Variants in ROBO1 observed in about 807,000 individuals in gnomAD.
ROBO1 encodes roundabout guidance receptor 1.
Under a neutral mutation model 195.9 loss-of-function variants are expected in ROBO1, and 149 were observed. The observed-to-expected ratio is 0.76, with a 90% CI of 0.67 to 0.87. ROBO1 has a LOEUF of 0.87. ROBO1 is among the 40% of genes least tolerant of loss of function. ROBO1 has a pLI of 0.00. For missense variants in ROBO1, 1,933 were observed against 2,068.3 expected (o/e 0.93, Z 1.27); for synonymous variants, 816 against 733.2 (o/e 1.11, Z -1.82).
intron 2 of ROBO1, among the ~76,000 whole-genome samples, chr3:79,413,530 T>C (rs948377199): frequency 1.3e-5 from 2 of 152,140 alleles, no homozygotes; most frequent in African/African-American, 4.8e-5. Flanking sequence ...AGTTGAATGT[T>C]ACCATATGGG....
At chr3:78,980,399 G>A (rs1377933046) in intron 3 of ROBO1, among the ~76,000 whole-genome samples, 2 of 152,102 alleles carry the variant, frequency 1.3e-5, no homozygotes, top group African/African-American at 4.8e-5. Context: ...AAAACTTCAA[G>A]AGGAATCAAC....
intron 2 of ROBO1, among the ~76,000 whole-genome samples, chr3:79,361,418 G>A (rs982489791): frequency 1.3e-5 from 2 of 151,906 alleles, no homozygotes; most frequent in African/African-American, 2.4e-5. Flanking sequence ...TATTGTCACT[G>A]AAAAGAAGTG....
chr3:78,641,656 A>C (rs534625253), intron 21 of ROBO1, among the ~76,000 whole-genome samples: 3 of 152,328 alleles, frequency 2.0e-5, no homozygotes, highest in African/African-American at 7.2e-5. Flanking sequence ...AAGTTATTAA[A>C]AATAAAACTC....
intron 2 of ROBO1, among the ~76,000 whole-genome samples, chr3:79,493,319 A>G (rs1939563785): frequency 6.6e-6 from 1 of 151,978 alleles, no homozygotes; most frequent in African/African-American, 2.4e-5. Flanking sequence ...TTATTAACAT[A>G]TGTTAGAATT....
chr3:79,069,367 C>T (rs913606781), intron 3 of ROBO1, among the ~76,000 whole-genome samples: 1 of 151,794 alleles, frequency 6.6e-6, no homozygotes, highest in African/African-American at 2.4e-5. Flanking sequence ...CTTGGATTAA[C>T]CTGATCCCAT....
chr3:79,256,164 C>T (rs2082829830), intron 2 of ROBO1, among the ~76,000 whole-genome samples: 1 of 152,128 alleles, frequency 6.6e-6, no homozygotes, highest in Non-Finnish European at 1.5e-5. Context: ...AGGGATTCTT[C>T]CATCCACCCA....
chr3:78,681,099 C>G (rs1036259090), intron 10 of ROBO1, among the ~76,000 whole-genome samples: 25 of 151,702 alleles, frequency 1.6e-4, no homozygotes, highest in African/African-American at 6.0e-4. Context: ...AACCAAACAC[C>G]GCATGTTCTC....
chr3:79,452,630 A>C (rs910041976), intron 2 of ROBO1, among the ~76,000 whole-genome samples: 1 of 152,160 alleles, frequency 6.6e-6, no homozygotes, highest in African/African-American at 2.4e-5. Flanking sequence ...AATTACCTAA[A>C]TTAAAAACAA....
intron 10 of ROBO1, among the ~76,000 whole-genome samples, chr3:78,683,343 T>C (rs2080975805): frequency 6.6e-6 from 1 of 152,106 alleles, no homozygotes; most frequent in South Asian, 2.1e-4. Context: ...ACAATTTAAA[T>C]AAAATCAAAA....
chr3:79,362,549 T>C (rs2035811232), intron 2 of ROBO1, among the ~76,000 whole-genome samples: 1 of 152,156 alleles, frequency 6.6e-6, no homozygotes, highest in African/African-American at 2.4e-5. Context: ...TGTCTTTCCT[T>C]GAAGGAAATG....
At chr3:79,241,948 C>CTTTT (rs11383398) in intron 2 of ROBO1, among the ~76,000 whole-genome samples, 1 of 145,714 alleles carries the variant, frequency 6.9e-6, no homozygotes. Flanking sequence ...TTAATTTAAG[C>CTTTT]TTTTTTTTTT....
chr3:79,686,299 G>C (rs1226016850), intron 1 of ROBO1, among the ~76,000 whole-genome samples: 1 of 152,136 alleles, frequency 6.6e-6, no homozygotes, highest in Non-Finnish European at 1.5e-5. Context: ...CATTCCCTTT[G>C]AAAACTGGCA....
chr3:78,694,716 C>G (rs2081248052), intron 8 of ROBO1, among the ~76,000 whole-genome samples: 1 of 152,020 alleles, frequency 6.6e-6, no homozygotes, highest in Non-Finnish European at 1.5e-5. Context: ...ACAGATGATG[C>G]CTTTTAAATG....
chr3:78,755,831 A>G (rs573679397), intron 4 of ROBO1, among the ~76,000 whole-genome samples: 2 of 152,320 alleles, frequency 1.3e-5, no homozygotes, highest in South Asian at 2.1e-4. Flanking sequence ...ATTTGAGAGT[A>G]TAGAGTCTGA....
At chr3:78,872,285 TG>T (rs1051593921) in intron 4 of ROBO1, among the ~76,000 whole-genome samples, 12 of 152,262 alleles carry the variant, frequency 7.9e-5, no homozygotes, top group African/African-American at 2.9e-4. Flanking sequence ...GGGCCACTCC[TG>T]GGGGAACACA....
At chr3:79,165,958 G>A (rs1280051521) in intron 2 of ROBO1, among the ~76,000 whole-genome samples, 1 of 152,168 alleles carries the variant, frequency 6.6e-6, no homozygotes, top group African/African-American at 2.4e-5. Flanking sequence ...TTCCCTGATG[G>A]AAGAATAAAT....
At chr3:79,269,278 G>C (rs540281920) in intron 2 of ROBO1, among the ~76,000 whole-genome samples, 11 of 151,734 alleles carry the variant, frequency 7.2e-5, no homozygotes, top group Non-Finnish European at 1.2e-4. Context: ...CAGGATCAGC[G>C]CCATATTCAT....
chr3:79,488,443 A>AGAT (rs796532353), intron 2 of ROBO1, among the ~76,000 whole-genome samples: 19 of 152,308 alleles, frequency 1.2e-4, no homozygotes, highest in African/African-American at 4.6e-4. Flanking sequence ...GTGCATATGA[A>AGAT]GATAGAGACT....
At chr3:79,735,963 A>G (rs1262545180) in intron 1 of ROBO1, among the ~76,000 whole-genome samples, 8 of 152,136 alleles carry the variant, frequency 5.3e-5, no homozygotes, top group Admixed American at 5.2e-4. Context: ...TTATTTATTG[A>G]GCACATAACT....
Sources: allele counts gnomAD v4.1 joint callset (sites outside exome capture counted in the v4.1 genomes callset), GRCh38; gene constraint gnomAD v4.1.1; transcripts MANE v1.5; gene names NCBI Gene and HGNC (gene_info 2026-07-23, HGNC 2026-07-21).